The following VDAC3 variants were observed in gnomAD, a reference collection of about 807,000 sequenced individuals.
VDAC3 encodes non-selective voltage-gated ion channel VDAC3.
VDAC3 carries 7 observed loss-of-function variants against 33.9 expected under a neutral mutation model. That is an observed-to-expected ratio of 0.21 (90% CI 0.12 to 0.39). The LOEUF is 0.39. VDAC3 is among the 10% of genes least tolerant of loss of function. VDAC3 has a pLI of 1.00. For synonymous variants in VDAC3, 100 were observed against 122.4 expected (o/e 0.82, Z 1.21); for missense variants, 261 against 334.5 (o/e 0.78, Z 1.71).
rs951541300 is a variant in VDAC3 at position 42,405,305 on chromosome 8, T to G, written c.761-66T>G. 2.2e-6 allele frequency: 3 copies of G among 1,352,298 alleles called. No homozygotes were observed. The African/African-American group carries it at 4.3e-5, about 19-fold the overall frequency. 83.8% of individuals were successfully genotyped at this position (1,352,298 alleles called of 1,614,324 possible). A position where few individuals can be genotyped will look rare whatever the true frequency, so the allele number is the denominator to read the frequency against. ...CCACACCATTGATTCCATCTGTTGT[T>G]TCTAGAAAGTTCAGATCTAATTGTA... On this transcript the variant is annotated intron_variant, in intron 9 of 9. Transcript: ENST00000022615.
At chr8:42,404,722 C>CAAAA (rs878902511) in intron 8 of VDAC3, 145 bp from the exon 9 acceptor site, 44 of 354,860 alleles carry the variant, frequency 1.2e-4, no homozygotes, top group Middle Eastern at 1.6e-3. Flanking sequence ...AACTTCATCT[C>CAAAA]AAAAAAAAAA....
chr8:42,394,201 C>G lies in VDAC3; in HGVS notation c.-2-9C>G, dbSNP rs1312721198. The G allele has an allele frequency of 6.2e-7, 1 of 1,612,490 alleles. No individual in the cohort carries two copies. Among genetic ancestry groups the G allele is most frequent in the Admixed American group, 1.7e-5 (1 of 59,930 alleles). ...ATTTTTATTCCTTTGCCCTGTTTTTCTTTATAAGATATGTGTAACACACCA... is the reference window on the plus strand; with the variant it reads ...ATTTTTATTCCTTTGCCCTGTTTTTGTTTATAAGATATGTGTAACACACCA... On this transcript the variant is annotated splice_polypyrimidine_tract_variant and intron_variant, in intron 2 of 9. Transcript: ENST00000022615.
chr8:42,394,393 A>G lies in VDAC3; in HGVS notation c.67+115A>G, dbSNP rs534308712. The stretch of plus-strand genomic sequence containing the variant: ...TAAGTCAGCATTATTCCACTTCACA[A>G]GATTTAAGGGGATAACTATTAACAG... On this transcript the variant is annotated intron_variant, in intron 3 of 9. Transcript: ENST00000022615. The G allele has an allele frequency of 3.4e-5, 30 of 895,476 alleles. No homozygotes were observed. The East Asian group carries it at 4.7e-4, about 14-fold the overall frequency. 55.5% of individuals were successfully genotyped at this position (895,476 alleles called of 1,614,324 possible). A position where few individuals can be genotyped will look rare whatever the true frequency, so the allele number is the denominator to read the frequency against.
Position 42,403,309 on chromosome 8 carries a change from A to G in VDAC3, c.552-2A>G. 6.2e-7 allele frequency: 1 copy of G among 1,613,990 alleles called. No individual in the cohort carries two copies. Among genetic ancestry groups the G allele is most frequent in the Non-Finnish European group, 8.5e-7 (1 of 1,179,994 alleles). On this transcript the variant is annotated splice_acceptor_variant, in intron 7 of 9. Transcript: ENST00000022615. LOFTEE classifies it high-confidence loss of function. ...ATGACGTTTTCTTATCTATGAAAACAGGAACGATGGCACTGAATTTGGAGG... is the reference window on the plus strand; with the variant it reads ...ATGACGTTTTCTTATCTATGAAAACGGGAACGATGGCACTGAATTTGGAGG...
chr8:42,398,254 T>C (rs1190836845), intron 4 of VDAC3, among the ~76,000 whole-genome samples: 3 of 152,160 alleles, frequency 2.0e-5, no homozygotes, highest in Admixed American at 2.0e-4. Flanking sequence ...AGTAGAGTAA[T>C]GGAAAGATCT....
In VDAC3 at chr8:42,403,253, C is replaced by T. The variant is rs374032268; in HGVS notation, c.552-58C>T. 23 of 1,587,918 alleles carry T rather than the reference C, an allele frequency of 1.4e-5. No individual in the cohort carries two copies. The South Asian group carries it at 1.6e-4, about 11-fold the overall frequency. On this transcript the variant is annotated intron_variant, in intron 7 of 9. Transcript: ENST00000022615. ...GATAGTCTTAGAATTTGTTTTCATA[C>T]CATAATAACAATGGTACAAACTAGA...
intron 8 of VDAC3, 32 bp from the exon 9 acceptor site, chr8:42,404,835 T>G: frequency 2.5e-6 from 4 of 1,592,156 alleles, no homozygotes; most frequent in Non-Finnish European, 3.4e-6. Flanking sequence ...TAATTCACTG[T>G]TTTCTGTTAT....
intron 4 of VDAC3, chr8:42,397,646 G>C (rs1273345810): frequency 1.3e-5 from 2 of 152,182 alleles, no homozygotes; most frequent in Admixed American, 6.5e-5. Flanking sequence ...TAGGGCAAAG[G>C]ATGTATTTTA....
At chr8:42,394,066 A>ACCTT (rs1288186077) in intron 2 of VDAC3, 144 bp from the exon 3 acceptor site, 1 of 704,020 alleles carries the variant, frequency 1.4e-6, no homozygotes, top group Non-Finnish European at 2.5e-6. Context: ...GCTGTCTCAT[A>ACCTT]CCTTTGATTG....
intron 6 of VDAC3, 103 bp from the exon 7 acceptor site, chr8:42,401,685 A>T: frequency 1.0e-6 from 1 of 988,724 alleles, no homozygotes; most frequent in African/African-American, 1.6e-5. Flanking sequence ...AATAATATTT[A>T]CATTGGGAGA....
rs764637002 is a variant in VDAC3 at position 42,399,736 on chromosome 8, T to C, written c.323+33T>C. 1.9e-6 allele frequency: 3 copies of C among 1,600,798 alleles called. No individual in the cohort carries two copies. The Admixed American group carries it at 5.0e-5, about 27-fold the overall frequency. ...TTCAAATCCCATTTCCTGAAACGTT[T>C]TTGGAGCCTGAAAGGGTAGAGAGCT... On this transcript the variant is annotated intron_variant, in intron 6 of 9. Transcript: ENST00000022615.
chr8:42,396,059 C>A (rs1012471111), intron 4 of VDAC3, among the ~76,000 whole-genome samples: 1 of 151,824 alleles, frequency 6.6e-6, no homozygotes, highest in African/African-American at 2.4e-5. Flanking sequence ...AGATTGAGAC[C>A]ATCCTGGCTA....
At chr8:42,394,892 T>C (rs1361247040) in intron 3 of VDAC3, among the ~76,000 whole-genome samples, 192 bp from the exon 4 acceptor site, 6 of 152,218 alleles carry the variant, frequency 3.9e-5, no homozygotes, top group Non-Finnish European at 7.4e-5. Flanking sequence ...CTTTATTCAT[T>C]TTGAGTGCTT....
intron 4 of VDAC3, 110 bp from the exon 5 acceptor site, chr8:42,398,602 G>A (rs1031568601): frequency 4.2e-6 from 5 of 1,184,848 alleles, no homozygotes; most frequent in South Asian, 1.6e-5. Context: ...GTAGGGCTGT[G>A]GCAAGCAGTA....
At chr8:42,396,130 T>C (rs1292786291) in intron 4 of VDAC3, among the ~76,000 whole-genome samples, 2 of 151,620 alleles carry the variant, frequency 1.3e-5, no homozygotes, top group Non-Finnish European at 2.9e-5. Flanking sequence ...TGATGACGGG[T>C]GCCTGTAGTC....
intron 1 of VDAC3, among the ~76,000 whole-genome samples, 163 bp downstream of exon 1, chr8:42,392,091 C>T (rs960483931): frequency 2.4e-4 from 36 of 152,218 alleles, no homozygotes; most frequent in Non-Finnish European, 3.2e-4. Context: ...GGGACCCGCC[C>T]GGGCCACCTC....
At chr8:42,402,258 G>A in intron 7 of VDAC3, 1 of 556,590 alleles carries the variant, frequency 1.8e-6, no homozygotes, top group South Asian at 2.1e-5. Context: ...AGCCTCTGTA[G>A]AAGAACCACT....
intron 6 of VDAC3, among the ~76,000 whole-genome samples, chr8:42,400,328 CAA>C (rs556195091): frequency 2.3e-4 from 25 of 110,594 alleles, no homozygotes; most frequent in Admixed American, 1.9e-4. Context: ...GACTCTGTCT[CAA>C]AAAAAAAAAA....
intron 4 of VDAC3, chr8:42,396,854 G>A: frequency 3.4e-6 from 2 of 583,076 alleles, no homozygotes; most frequent in Middle Eastern, 4.5e-4. Context: ...TGCTTACTAA[G>A]CATTTAATGT....
Sources: allele counts gnomAD v4.1 joint callset (sites outside exome capture counted in the v4.1 genomes callset), GRCh38; gene constraint gnomAD v4.1.1; transcripts MANE v1.5; gene names NCBI Gene and HGNC (gene_info 2026-07-23, HGNC 2026-07-21).